The following DPP10 variants were observed in gnomAD, a reference collection of about 807,000 sequenced individuals.
DPP10 encodes the protein dipeptidyl peptidase like 10.
A neutral mutation model predicts 120.9 loss-of-function variants in DPP10; 33 were observed. That is an observed-to-expected ratio of 0.27 (90% CI 0.21 to 0.37). The LOEUF (loss-of-function observed/expected upper bound fraction) is 0.37. DPP10 is among the 10% of genes least tolerant of loss of function. The pLI, the probability that DPP10 is intolerant of heterozygous loss-of-function variation, is 1.00. For missense variants in DPP10, 816 were observed against 942.8 expected (o/e 0.87, Z 1.76); for synonymous variants, 337 against 326.1 (o/e 1.03, Z -0.36).
chr2:114,822,107 C>T (rs1686139909), intron 1 of DPP10, among the ~76,000 whole-genome samples: 1 of 152,168 alleles, frequency 6.6e-6, no homozygotes, highest in South Asian at 2.1e-4. Context: ...CCACACTGCC[C>T]TAGCAGAGGT....
chr2:115,407,871 G>GA (rs145218376), intron 3 of DPP10, among the ~76,000 whole-genome samples: 13,527 of 150,566 alleles, frequency 0.09, 680 homozygotes, highest in Middle Eastern at 0.13. Context: ...GAGGAAAAAG[G>GA]AAAAAAAAAG....
At chr2:114,521,109 TGAA>T (rs941082901) in intron 1 of DPP10, among the ~76,000 whole-genome samples, 5 of 151,488 alleles carry the variant, frequency 3.3e-5, no homozygotes, top group Admixed American at 6.6e-5. Flanking sequence ...CAGAAAAAAA[TGAA>T]GAAGAAAATA....
At chr2:115,525,606 T>C (rs2148896193) in intron 4 of DPP10, among the ~76,000 whole-genome samples, 1 of 152,164 alleles carries the variant, frequency 6.6e-6, no homozygotes, top group South Asian at 2.1e-4. Flanking sequence ...GGAATTTCAA[T>C]AGGCCTTTGA....
intron 1 of DPP10, among the ~76,000 whole-genome samples, chr2:115,115,200 A>G (rs1002805573): frequency 1.3e-5 from 2 of 151,966 alleles, no homozygotes; most frequent in African/African-American, 4.8e-5. Flanking sequence ...TTGTCCTCCA[A>G]CCTAACTGTG....
At chr2:115,807,073 T>C (rs1686069330) in intron 19 of DPP10, among the ~76,000 whole-genome samples, 1 of 152,234 alleles carries the variant, frequency 6.6e-6, no homozygotes, top group Non-Finnish European at 1.5e-5. Context: ...ATCCTAGCTC[T>C]GTGATGATAT....
intron 1 of DPP10, among the ~76,000 whole-genome samples, chr2:115,229,040 T>A (rs1422170657): frequency 1.3e-5 from 2 of 152,162 alleles, no homozygotes; most frequent in African/African-American, 4.8e-5. Context: ...CCAGCACTTA[T>A]TACTGCCTGT....
intron 1 of DPP10, among the ~76,000 whole-genome samples, chr2:115,020,146 T>G (rs1236475359): frequency 6.6e-6 from 1 of 152,122 alleles, no homozygotes; most frequent in Non-Finnish European, 1.5e-5. Flanking sequence ...ATGAATAGAA[T>G]AGTACCACAC....
At chr2:115,743,305 C>T (rs148984228) in intron 9 of DPP10, among the ~76,000 whole-genome samples, 97 of 152,174 alleles carry the variant, frequency 6.4e-4, no homozygotes, top group Non-Finnish European at 1.1e-3. Context: ...GGCAGCCTAA[C>T]GCTTAGTTGA....
At chr2:115,211,314 T>C (rs953838453) in intron 1 of DPP10, among the ~76,000 whole-genome samples, 1 of 151,666 alleles carries the variant, frequency 6.6e-6, no homozygotes, top group African/African-American at 2.4e-5. Context: ...TAGGAAATCA[T>C]ATGGCCTAAA....
Position 114,869,246 on chromosome 2 carries a change from A to G in DPP10, c.60+426408A>G, listed in dbSNP as rs191845746. ...ATATAATGCCTGTATGTATATATAT[A>G]TTATGTTTATGAGCATATACGATAC... On this transcript the variant is annotated intron_variant, in intron 1 of 25. Transcript: ENST00000410059. 3.3e-5 allele frequency among the ~76,000 whole-genome samples: 5 copies of G among 152,252 alleles called. No homozygotes were observed. In the East Asian group the frequency reaches 9.7e-4, roughly 29 times the overall value.
rs139449599 is a variant in DPP10 at position 114,948,363 on chromosome 2, T to C, written c.61-360876T>C. ...TCTCTACAAAGATAATTATTATTCCTCTTTAAAATTTTATATTTTCCTGCA... is the reference window on the plus strand; with the variant it reads ...TCTCTACAAAGATAATTATTATTCCCCTTTAAAATTTTATATTTTCCTGCA... On this transcript the variant is annotated intron_variant, in intron 1 of 25. Coordinates refer to ENST00000410059, the MANE Select transcript of DPP10 (RefSeq NM_020868.6). Among the ~76,000 whole-genome samples, 384 of 152,270 alleles carry C rather than the reference T, an allele frequency of 2.5e-3. 7 individuals carry two copies. The East Asian group carries it at 0.053, about 21-fold the overall frequency.
At chr2:114,993,344 T>C (rs1193293241) in intron 1 of DPP10, among the ~76,000 whole-genome samples, 1 of 131,648 alleles carries the variant, frequency 7.6e-6, no homozygotes, top group Admixed American at 8.8e-5. Flanking sequence ...TACTTGGTAC[T>C]TGGCACAGGG....
intron 1 of DPP10, among the ~76,000 whole-genome samples, chr2:115,047,587 T>C (rs916011127): frequency 9.9e-5 from 15 of 152,048 alleles, no homozygotes; most frequent in African/African-American, 2.7e-4. Context: ...GTCTAAATGC[T>C]GTAAAATAAC....
At chr2:114,928,435 G>A (rs1695805943) in intron 1 of DPP10, among the ~76,000 whole-genome samples, 2 of 152,142 alleles carry the variant, frequency 1.3e-5, no homozygotes, top group African/African-American at 4.8e-5. Context: ...TGAATCTCCA[G>A]AATAATCTAC....
At chr2:114,708,487 C>T (rs1450614741) in intron 1 of DPP10, among the ~76,000 whole-genome samples, 3 of 152,146 alleles carry the variant, frequency 2.0e-5, no homozygotes, top group African/African-American at 7.2e-5. Flanking sequence ...TCTTCCTGCA[C>T]ACATTCTTCC....
rs1415563082 is a variant in DPP10, at chr2:115,067,679, CG to C, written c.61-241558del. On this transcript the variant is annotated intron_variant, in intron 1 of 25. Coordinates refer to ENST00000410059, the MANE Select transcript of DPP10 (RefSeq NM_020868.6). ...GAGATGGAGACCATCCTGGCTAACA[CG>C]GTGAAACCCCGTCTCTACTAAAAAT... Among the ~76,000 whole-genome samples the C allele has an allele frequency of 1.2e-4, 17 of 146,890 alleles. No individual in the cohort carries two copies. In the East Asian group the frequency reaches 3.2e-3, roughly 28 times the overall value.
At chr2:115,713,396 A>G (rs968852232) in intron 7 of DPP10, among the ~76,000 whole-genome samples, 2 of 152,180 alleles carry the variant, frequency 1.3e-5, no homozygotes, top group African/African-American at 4.8e-5. Context: ...GCCAGGGATT[A>G]TTGAACATTA....
chr2:115,337,143 CAAAA>C (rs11308584), intron 2 of DPP10, among the ~76,000 whole-genome samples: 2 of 125,482 alleles, frequency 1.6e-5, no homozygotes, highest in Non-Finnish European at 1.8e-5. Context: ...TTGAAGAAAG[CAAAA>C]AAAAAAAAAA....
At chr2:115,197,445 G>A (rs1377794963) in intron 1 of DPP10, among the ~76,000 whole-genome samples, 3 of 151,906 alleles carry the variant, frequency 2.0e-5, no homozygotes, top group Non-Finnish European at 4.4e-5. Flanking sequence ...AACTGGAGTT[G>A]GGAATATGGA....
Sources: gnomAD v4.1 joint callset for allele counts (sites outside exome capture counted in the v4.1 genomes callset) on GRCh38, gnomAD v4.1.1 for gene constraint, MANE v1.5 for transcripts, NCBI Gene and HGNC (gene_info 2026-07-23, HGNC 2026-07-21) for gene names.